ARMH3: variants seen among roughly 807,000 people sequenced by gnomAD.
ARMH3 encodes armadillo-like helical domain-containing protein 3.
In ARMH3, 60 loss-of-function variants were observed where a neutral mutation model predicts 99.1. That is an observed-to-expected ratio of 0.61 (90% confidence interval 0.49 to 0.75). The LOEUF (loss-of-function observed/expected upper bound fraction) is 0.75, where lower values mean the gene tolerates loss of function less well. Ranked by LOEUF, ARMH3 falls within the 30% of genes least tolerant of loss-of-function variation. The probability of loss-of-function intolerance (pLI) is 0.00; values close to 1 mark genes in which losing one functional copy is unlikely to be tolerated. For synonymous variants in ARMH3, 285 were observed against 292.8 expected, an observed-to-expected ratio of 0.97 and a Z score of 0.27; for missense variants, 679 against 843.1, an observed-to-expected ratio of 0.81 and a Z score of 2.41.
At chr10:101,965,386 TATACTC>T (rs1845490142) in intron 20 of ARMH3, among the ~76,000 whole-genome samples, 2 of 152,062 alleles carry the variant, frequency 1.3e-5, no homozygotes, top group African/African-American at 4.8e-5. Flanking sequence ...AGGAGCCAAA[TATACTC>T]AATCAACAGA....
At chr10:101,865,109 G>A (rs2066969304) in intron 24 of ARMH3, among the ~76,000 whole-genome samples, 3 of 151,434 alleles carry the variant, frequency 2.0e-5, no homozygotes, top group Admixed American at 6.6e-5. Context: ...CCAGCTACTC[G>A]AGAGACTGAG....
chr10:101,959,000 G>A (rs1407038677), intron 20 of ARMH3, among the ~76,000 whole-genome samples: 1 of 152,112 alleles, frequency 6.6e-6, no homozygotes, highest in African/African-American at 2.4e-5. Context: ...GTAAAAAAAA[G>A]CCTTGCCAGG....
At chr10:101,877,213 G>C (rs577968897) in intron 24 of ARMH3, among the ~76,000 whole-genome samples, 1 of 152,242 alleles carries the variant, frequency 6.6e-6, no homozygotes, top group East Asian at 1.9e-4. Flanking sequence ...TGAGGCAGGA[G>C]GACTGCTTGA....
chr10:101,927,830 T>C (rs1266525582), intron 23 of ARMH3, among the ~76,000 whole-genome samples: 1 of 152,190 alleles, frequency 6.6e-6, no homozygotes, highest in Non-Finnish European at 1.5e-5. Flanking sequence ...CCCAGCACTT[T>C]GGAGGGCCAG....
chr10:102,046,325 A>G (rs2067549943), intron 1 of ARMH3, among the ~76,000 whole-genome samples: 1 of 151,282 alleles, frequency 6.6e-6, no homozygotes, highest in East Asian at 1.9e-4. Context: ...AAGAGAGAGA[A>G]AGAGAAAAGA....
At chr10:101,963,141 G>T (rs1381465354) in intron 20 of ARMH3, among the ~76,000 whole-genome samples, 251 of 125,094 alleles carry the variant, frequency 2.0e-3, no homozygotes, top group African/African-American at 7.4e-3. Flanking sequence ...GGATAATTTT[G>T]CATTTTTTTT....
chr10:101,926,174 A>G (rs1843500718), intron 23 of ARMH3, among the ~76,000 whole-genome samples: 2 of 152,032 alleles, frequency 1.3e-5, no homozygotes, highest in African/African-American at 4.8e-5. Context: ...AAACCTGATA[A>G]TTTATTTTTT....
At chr10:101,886,450 C>T (rs917239456) in intron 24 of ARMH3, among the ~76,000 whole-genome samples, 1 of 152,068 alleles carries the variant, frequency 6.6e-6, no homozygotes, top group African/African-American at 2.4e-5. Context: ...ACAGAGGCTG[C>T]AGTGAGCCAA....
chr10:102,030,615 C>G (rs2067105984), intron 4 of ARMH3, among the ~76,000 whole-genome samples: 1 of 152,066 alleles, frequency 6.6e-6, no homozygotes, highest in South Asian at 2.1e-4. Flanking sequence ...CAGGCTGAGG[C>G]AGGAGAATCC....
At chr10:101,998,193 G>A (rs187994264) in intron 15 of ARMH3, among the ~76,000 whole-genome samples, 219 of 152,274 alleles carry the variant, frequency 1.4e-3, no homozygotes, top group Middle Eastern at 0.01. Flanking sequence ...TGTTATATCC[G>A]GCAAAGCTAA....
At chr10:102,007,574 CT>C (rs1478535089) in intron 13 of ARMH3, among the ~76,000 whole-genome samples, 18 of 147,256 alleles carry the variant, frequency 1.2e-4, no homozygotes, top group African/African-American at 4.5e-4. Context: ...AATCCCAGCA[CT>C]TTTGGGAGGC....
At chr10:101,929,266 T>C (rs1843627191) in intron 23 of ARMH3, among the ~76,000 whole-genome samples, 1 of 152,226 alleles carries the variant, frequency 6.6e-6, no homozygotes, top group African/African-American at 2.4e-5. Flanking sequence ...GAGCACTGAA[T>C]GCTCACATTT....
At chr10:101,914,474 C>CT (rs1439883473) in intron 23 of ARMH3, among the ~76,000 whole-genome samples, 1 of 138,360 alleles carries the variant, frequency 7.2e-6, no homozygotes, top group Non-Finnish European at 1.5e-5. Flanking sequence ...GGCCACAGAG[C>CT]GAGACTCTGT....
intron 23 of ARMH3, among the ~76,000 whole-genome samples, chr10:101,915,760 A>G (rs1028322550): frequency 6.8e-6 from 1 of 147,730 alleles, no homozygotes; most frequent in Non-Finnish European, 1.5e-5. Context: ...CTCTGAAGTT[A>G]GTTCTGGGAC....
chr10:101,976,404 TCTCTCTCTCACA>T (rs1197860484), intron 19 of ARMH3, among the ~76,000 whole-genome samples: 2 of 128,470 alleles, frequency 1.6e-5, no homozygotes, highest in South Asian at 2.5e-4. Flanking sequence ...TCTCTCTCTC[TCTCTCTCTCACA>T]CACACACACA....
chr10:101,906,225 T>C (rs964381638), intron 23 of ARMH3, among the ~76,000 whole-genome samples: 1 of 152,214 alleles, frequency 6.6e-6, no homozygotes, highest in Admixed American at 6.5e-5. Context: ...GCAATCAACG[T>C]TGTTGTTTAT....
intron 12 of ARMH3, among the ~76,000 whole-genome samples, chr10:102,009,653 A>G (rs1461511639): frequency 2.6e-5 from 4 of 152,216 alleles, no homozygotes; most frequent in South Asian, 4.1e-4. Flanking sequence ...CCTTAGGACC[A>G]GTTCTCATCT....
At chr10:101,982,043 A>C (rs1247879212) in intron 19 of ARMH3, among the ~76,000 whole-genome samples, 2 of 150,460 alleles carry the variant, frequency 1.3e-5, no homozygotes, top group Non-Finnish European at 3.0e-5. Context: ...AAAAAAAAAA[A>C]ACAAAGACTG....
At chr10:101,991,470 T>G (rs1846790807) in intron 18 of ARMH3, among the ~76,000 whole-genome samples, 3 of 152,206 alleles carry the variant, frequency 2.0e-5, no homozygotes, top group Admixed American at 2.0e-4. Flanking sequence ...AACCTCTGCC[T>G]CCTGGGTTCA....
Sources: allele counts gnomAD v4.1 joint callset (sites outside exome capture counted in the v4.1 genomes callset), GRCh38; gene constraint gnomAD v4.1.1; transcripts MANE v1.5; gene names NCBI Gene and HGNC (gene_info 2026-07-23, HGNC 2026-07-21).